NOL4L: variants seen among roughly 807,000 people sequenced by gnomAD.
The protein encoded by NOL4L is nucleolar protein 4-like.
A neutral mutation model predicts 64.5 loss-of-function variants in NOL4L; 7 were observed. The ratio of observed to expected loss-of-function variants is 0.11; its 90% CI spans 0.06 to 0.20. NOL4L has a LOEUF of 0.20. NOL4L is among the 10% of genes least tolerant of loss of function. NOL4L has a pLI of 1.00. For synonymous variants in NOL4L, 413 were observed against 401.0 expected (o/e 1.03, Z -0.36); for missense variants, 680 against 967.1 (o/e 0.70, Z 3.94).
chr20:32,535,668 A>G (rs1328833964), intron 1 of NOL4L: 1 of 985,298 alleles, frequency 1.0e-6, no homozygotes, highest in Non-Finnish European at 1.2e-6. Context: ...ACGGCGCTAC[A>G]TTTGAGGATG....
intron 4 of NOL4L, among the ~76,000 whole-genome samples, chr20:32,485,304 TCTTC>T (rs2016042951): frequency 6.6e-6 from 1 of 152,186 alleles, no homozygotes; most frequent in Admixed American, 6.5e-5. Flanking sequence ...CTTTTTTCTT[TCTTC>T]CTCTGAAAGC....
intron 5 of NOL4L, among the ~76,000 whole-genome samples, chr20:32,470,256 G>T (rs1012295257): frequency 7.9e-5 from 12 of 152,256 alleles, no homozygotes; most frequent in Admixed American, 7.8e-4. Flanking sequence ...AGAGTGAGAG[G>T]CCTGCTGAAG....
chr20:32,498,766 T>TTA (rs774598746), intron 4 of NOL4L, among the ~76,000 whole-genome samples: 18 of 99,026 alleles, frequency 1.8e-4, no homozygotes, highest in Non-Finnish European at 3.4e-4. Flanking sequence ...CCTGTCTCAA[T>TTA]AAAAAAAAAA....
chr20:32,534,300 G>A (rs1235260729), intron 1 of NOL4L, among the ~76,000 whole-genome samples: 6 of 152,164 alleles, frequency 3.9e-5, no homozygotes, highest in African/African-American at 9.7e-5. Context: ...AAAAATCAAC[G>A]AGATTGCTAT....
chr20:32,443,524 C>G lies in NOL4L; in HGVS notation c.*4072G>C, dbSNP rs929985054. 6.6e-6 allele frequency: 1 copy of G among 152,262 alleles called. No homozygotes were observed. Among genetic ancestry groups the G allele is most frequent in the Non-Finnish European group, 1.5e-5 (1 of 68,052 alleles). The allele number at this position is 152,262 out of a possible 1,614,324, so 9.4% of individuals were successfully genotyped here. ...ACTGTTTGCCTTAAGTGCTTACTAT[C>G]TGGAGCCCTGTGCCCCTCCCCGGAG... On this transcript the variant is annotated 3_prime_UTR_variant, in exon 11 of 11. Coordinates refer to ENST00000621426, the MANE Select transcript of NOL4L (RefSeq NM_001256798.2).
At chr20:32,500,379 AGTCTTGCTT>A (rs2016870187) in intron 4 of NOL4L, among the ~76,000 whole-genome samples, 1 of 118,706 alleles carries the variant, frequency 8.4e-6, no homozygotes, top group Non-Finnish European at 1.7e-5. Context: ...TTTGAGACGG[AGTCTTGCTT>A]TCTTGCCCAG....
intron 1 of NOL4L, among the ~76,000 whole-genome samples, chr20:32,543,794 A>G (rs1451411884): frequency 6.6e-6 from 1 of 151,790 alleles, no homozygotes; most frequent in Non-Finnish European, 1.5e-5. Flanking sequence ...TGTCTCAGAA[A>G]AAAACAAAAA....
intron 4 of NOL4L, 180 bp from the exon 5 acceptor site, chr20:32,474,922 C>T (rs1255027379): frequency 1.0e-5 from 10 of 985,340 alleles, no homozygotes; most frequent in African/African-American, 1.7e-5. Flanking sequence ...GAAGTGGCCC[C>T]GGCTCTGGTT....
At chr20:32,526,409 C>T (rs2018134409) in intron 2 of NOL4L, among the ~76,000 whole-genome samples, 1 of 151,930 alleles carries the variant, frequency 6.6e-6, no homozygotes, top group South Asian at 2.1e-4. Context: ...GACACCTTGC[C>T]TCTCTGAGGC....
In NOL4L at chr20:32,488,827, T is replaced by TTCTTTCTTTCTTTCTTTC. The variant is rs11483298; in HGVS notation, c.700-14086_700-14085insGAAAGAAAGAAAGAAAGA. 3.0e-4 allele frequency among the ~76,000 whole-genome samples: 10 copies of TTCTTTCTTTCTTTCTTTC among 33,150 alleles called. 1 individual carries two copies. The highest frequency in any genetic ancestry group is 9.9e-4 in the East Asian group (1 of 1,008). The allele number at this position is 33,150 out of a possible 152,430, so 21.7% of individuals were successfully genotyped here. On this transcript the variant is annotated intron_variant, in intron 4 of 10. Coordinates refer to ENST00000621426, the MANE Select transcript of NOL4L (RefSeq NM_001256798.2). ...TCTTTTTCTTTCTTTCTTTCTTTCT[T>TTCTTTCTTTCTTTCTTTC]TTTCTTTCTTTCTTTCTTTCTTTCT...
intron 1 of NOL4L, chr20:32,548,475 A>C (rs1211713271): frequency 1.3e-5 from 2 of 154,110 alleles, no homozygotes; most frequent in East Asian, 3.8e-4. Flanking sequence ...AATAAACAGG[A>C]TCAGAAGTCG....
In NOL4L at chr20:32,584,695, T is replaced by TGCCCGCGCCAGTCCCGCC; in HGVS notation, c.178_195dup (p.Gly60_Gly65dup). 1 of 1,548,206 alleles carries TGCCCGCGCCAGTCCCGCC rather than the reference T, an allele frequency of 6.5e-7. No individual in the cohort carries two copies. On this transcript the variant is annotated inframe_insertion, in exon 1 of 11. Coordinates refer to ENST00000621426, the MANE Select transcript of NOL4L (RefSeq NM_001256798.2). Reference sequence around the variant, plus strand: ...CCTTTCTCGCCGGCTGCGGGGCCGCTGCCCGCGCCAGTCCCGCCGCCGCCC... The same window carrying TGCCCGCGCCAGTCCCGCC: ...CCTTTCTCGCCGGCTGCGGGGCCGCTGCCCGCGCCAGTCCCGCCGCCCGCGCCAGTCCCGCCGCCGCCC...
At chr20:32,466,297 G>A (rs571961352) in intron 5 of NOL4L, among the ~76,000 whole-genome samples, 1 of 152,186 alleles carries the variant, frequency 6.6e-6, no homozygotes, top group Admixed American at 6.5e-5. Context: ...TGAACCTCTC[G>A]GCTCCTCAGG....
At chr20:32,553,607 G>C (rs781779578) in intron 1 of NOL4L, among the ~76,000 whole-genome samples, 3 of 152,128 alleles carry the variant, frequency 2.0e-5, no homozygotes, top group Non-Finnish European at 4.4e-5. Context: ...AGGGTTCATG[G>C]TCTGTCTCCC....
At position 32,584,855 on chromosome 20, in the gene NOL4L, C is replaced by A. The variant is rs1490602626; in HGVS notation, c.36G>T (p.Trp12Cys). The change falls in exon 1 of 11, where the codon TGG becomes TGT. Residue 12 changes from tryptophan to cysteine, a missense_variant. Around this residue, in one of 4 missense-constraint regions of NOL4L, gnomAD observed 181 missense variants for 335.2 expected, o/e 0.54. Transcript: ENST00000621426. ...AGTCCCCGGGGCTGCGCTCGCGCTC[C>A]CAGCCCCCGCGCAGCAGCAGCGTCG... Reference protein sequence around the residue: ...PKPTLLLRGGWERERSPGDSE... With the variant: ...PKPTLLLRGGCERERSPGDSE... 1 of 1,434,342 alleles carries A rather than the reference C, an allele frequency of 7.0e-7. No homozygotes were observed. The highest frequency in any genetic ancestry group is 9.2e-7 in the Non-Finnish European group (1 of 1,085,976). 88.9% of individuals were successfully genotyped at this position (1,434,342 alleles called of 1,614,324 possible).
intron 4 of NOL4L, among the ~76,000 whole-genome samples, chr20:32,477,362 GGACT>G (rs1483671187): frequency 4.6e-5 from 7 of 152,214 alleles, no homozygotes; most frequent in African/African-American, 7.2e-5. Context: ...CAATCGCCAA[GGACT>G]GGACACGCCC....
intron 6 of NOL4L, among the ~76,000 whole-genome samples, chr20:32,454,906 A>C (rs1245189340): frequency 2.6e-5 from 4 of 152,220 alleles, no homozygotes; most frequent in Non-Finnish European, 4.4e-5. Flanking sequence ...CTGGTCCCAC[A>C]GCACGGCCCC....
chr20:32,571,570 C>A (rs777328019), intron 1 of NOL4L, among the ~76,000 whole-genome samples: 1 of 152,202 alleles, frequency 6.6e-6, no homozygotes, highest in Non-Finnish European at 1.5e-5. Context: ...AAACCTCTTT[C>A]GTGCACCTTC....
chr20:32,507,225 TC>T (rs995135566), intron 4 of NOL4L, among the ~76,000 whole-genome samples: 1 of 152,324 alleles, frequency 6.6e-6, no homozygotes, highest in Middle Eastern at 3.4e-3. Context: ...TTAAGAGTAT[TC>T]CCAAATAAAA....
Sources: gnomAD v4.1 joint callset for allele counts (sites outside exome capture counted in the v4.1 genomes callset) on GRCh38, gnomAD v4.1.1 for gene constraint, gnomAD v4.1.1 regional missense constraint, MANE v1.5 for transcripts, NCBI Gene and HGNC (gene_info 2026-07-23, HGNC 2026-07-21) for gene names.